Variants in ANK3 observed in about 807,000 individuals in gnomAD.
ANK3 encodes the protein ankyrin 3, also known as ankyrin-3.
In ANK3, 57 loss-of-function variants were observed where a neutral mutation model predicts 370.9. That is an observed-to-expected ratio of 0.15 (90% CI 0.12 to 0.19). The LOEUF (loss-of-function observed/expected upper bound fraction) is 0.19, where lower values mean the gene tolerates loss of function less well. ANK3 is among the 10% of genes least tolerant of loss of function. The probability of loss-of-function intolerance (pLI) is 1.00; values close to 1 mark genes in which losing one functional copy is unlikely to be tolerated. For missense variants in ANK3, 4,439 were observed against 5,302.1 expected (o/e 0.84, Z 5.06); for synonymous variants, 1,929 against 1,946.3 (o/e 0.99, Z 0.23).
At chr10:60,603,919 T>A (rs2078097750) in intron 2 of ANK3, among the ~76,000 whole-genome samples, 1 of 152,166 alleles carries the variant, frequency 6.6e-6, no homozygotes, top group Admixed American at 6.6e-5. Flanking sequence ...CATGTATAAT[T>A]GAAAATAGAT....
chr10:60,282,506 G>GCA (rs145255506), intron 1 of ANK3, among the ~76,000 whole-genome samples: 78 of 150,552 alleles, frequency 5.2e-4, no homozygotes, highest in Non-Finnish European at 6.4e-4. Flanking sequence ...TTCAACAATT[G>GCA]CACACACACA....
At chr10:60,436,015 A>G (rs928859633) in intron 2 of ANK3, among the ~76,000 whole-genome samples, 7 of 151,986 alleles carry the variant, frequency 4.6e-5, no homozygotes, top group Middle Eastern at 3.2e-3. Context: ...TTGAACCCGG[A>G]AGGCGGAGCT....
chr10:60,377,553 T>C (rs2060957044), intron 1 of ANK3, among the ~76,000 whole-genome samples: 1 of 152,212 alleles, frequency 6.6e-6, no homozygotes, highest in South Asian at 2.1e-4. Flanking sequence ...TAGCTAGTTT[T>C]ACTACATAAA....
chr10:60,413,466 G>C (rs762429921), intron 2 of ANK3, among the ~76,000 whole-genome samples: 1 of 152,168 alleles, frequency 6.6e-6, no homozygotes, highest in African/African-American at 2.4e-5. Context: ...TAGTTATTGA[G>C]TAACTTCTCT....
intron 2 of ANK3, among the ~76,000 whole-genome samples, chr10:60,477,149 T>TTCAA (rs1174445415): frequency 4.0e-5 from 6 of 151,874 alleles, no homozygotes; most frequent in Non-Finnish European, 8.8e-5. Context: ...GGGGAGAGAG[T>TTCAA]GAAAGGGGCT....
chr10:60,043,820 C>T, intron 42 of ANK3: 2 of 985,306 alleles, frequency 2.0e-6, no homozygotes, highest in South Asian at 4.7e-5. Context: ...CTCCCTCAAA[C>T]TGGCACATTC....
chr10:60,125,540 A>G (rs977218041), intron 25 of ANK3, among the ~76,000 whole-genome samples: 9 of 152,236 alleles, frequency 5.9e-5, no homozygotes, highest in Non-Finnish European at 1.3e-4. Context: ...AAAGATGCCT[A>G]TCTTCTAGGG....
At chr10:60,638,363 A>G (rs1347545495) in intron 1 of ANK3, among the ~76,000 whole-genome samples, 3 of 152,214 alleles carry the variant, frequency 2.0e-5, no homozygotes, top group African/African-American at 4.8e-5. Flanking sequence ...TGGACCTGCC[A>G]TAACAAAACT....
intron 2 of ANK3, among the ~76,000 whole-genome samples, chr10:60,448,924 C>A (rs937624838): frequency 6.6e-6 from 1 of 152,218 alleles, no homozygotes; most frequent in Non-Finnish European, 1.5e-5. Context: ...GGATGCCCGA[C>A]CTTTTCACAG....
chr10:60,583,077 C>T (rs1225100862), intron 2 of ANK3, among the ~76,000 whole-genome samples: 1 of 152,192 alleles, frequency 6.6e-6, no homozygotes, highest in Non-Finnish European at 1.5e-5. Context: ...CATTGCAGCA[C>T]TATTCACAAT....
rs919835312 is a variant in ANK3 at position 60,081,342 on chromosome 10, C to T, written c.4351-724G>A. Among the ~76,000 whole-genome samples, 10 of 152,312 alleles carry T rather than the reference C, an allele frequency of 6.6e-5. 1 individual carries two copies. Among genetic ancestry groups the T allele is most frequent in the African/African-American group, 2.4e-4 (10 of 41,574 alleles). On this transcript the variant is annotated intron_variant, in intron 35 of 43. Coordinates refer to ENST00000280772, the MANE Select transcript of ANK3 (RefSeq NM_020987.5). The stretch of plus-strand genomic sequence containing the variant: ...TCAGGTGATTCCCCCACCCCATCCC[C>T]GCCTCGGCCTCCCAAAGTGCTAGGA...
At chr10:60,338,440 G>A (rs974908188) in intron 1 of ANK3, among the ~76,000 whole-genome samples, 12 of 152,164 alleles carry the variant, frequency 7.9e-5, no homozygotes, top group Non-Finnish European at 4.4e-5. Flanking sequence ...TGATGCTGAT[G>A]CTGCTGGCCT....
intron 23 of ANK3, among the ~76,000 whole-genome samples, chr10:60,165,025 C>CA (rs1448205143): frequency 6.6e-5 from 10 of 152,268 alleles, no homozygotes; most frequent in African/African-American, 2.4e-4. Flanking sequence ...TTTCGAGATT[C>CA]AAAATCTCCA....
At chr10:60,431,243 A>G (rs1174467733) in intron 2 of ANK3, among the ~76,000 whole-genome samples, 1 of 152,186 alleles carries the variant, frequency 6.6e-6, no homozygotes, top group African/African-American at 2.4e-5. Context: ...TTAGATTCTC[A>G]TAAGGAGCAT....
Position 60,196,635 on chromosome 10 carries a change from A to G in ANK3, c.1690-10T>C, listed in dbSNP as rs373303534. The G allele has an allele frequency of 1.3e-6, 2 of 1,532,962 alleles. No homozygotes were observed. 95.0% of individuals were successfully genotyped at this position (1,532,962 alleles called of 1,614,324 possible). A position where few individuals can be genotyped will look rare whatever the true frequency, so the allele number is the denominator to read the frequency against. On this transcript the variant is annotated splice_polypyrimidine_tract_variant and intron_variant, in intron 14 of 43. Coordinates refer to ENST00000280772, the MANE Select transcript of ANK3 (RefSeq NM_020987.5). The stretch of plus-strand genomic sequence containing the variant: ...GAGGAGTAAATCCTTTCTGAAAAAA[A>G]AAAAACATAAAAATAATGAACAATA...
At chr10:60,098,408 TGAA>T (rs1432630117) in intron 28 of ANK3, among the ~76,000 whole-genome samples, 12 of 151,958 alleles carry the variant, frequency 7.9e-5, no homozygotes, top group African/African-American at 2.2e-4. Context: ...TTGGGAGAAA[TGAA>T]GAAAATAAAA....
intron 43 of ANK3, among the ~76,000 whole-genome samples, chr10:60,033,514 CAAAAAAAAAA>C (rs537623584): frequency 3.9e-5 from 2 of 50,658 alleles, no homozygotes; most frequent in African/African-American, 7.0e-5. Flanking sequence ...GACTCAGTCT[CAAAAAAAAAA>C]AAAAAAAAAA....
chr10:60,336,983 A>G (rs770961972), intron 1 of ANK3, among the ~76,000 whole-genome samples: 1 of 152,044 alleles, frequency 6.6e-6, no homozygotes, highest in African/African-American at 2.4e-5. Flanking sequence ...CAGGCTGCAG[A>G]AAGGAATTGC....
chr10:60,403,933 CT>C (rs2063401958), intron 2 of ANK3, among the ~76,000 whole-genome samples: 1 of 152,064 alleles, frequency 6.6e-6, no homozygotes, highest in South Asian at 2.1e-4. Context: ...CAGAAATCAG[CT>C]GTATTTTGTA....
Sources: allele counts gnomAD v4.1 joint callset (sites outside exome capture counted in the v4.1 genomes callset), GRCh38; gene constraint gnomAD v4.1.1; transcripts MANE v1.5; gene names NCBI Gene and HGNC (gene_info 2026-07-23, HGNC 2026-07-21).